The following GAL3ST2 variants were observed in gnomAD, a reference collection of about 807,000 sequenced individuals.
GAL3ST2 encodes beta-galactose-3-O-sulfotransferase 2.
In GAL3ST2, 16 loss-of-function variants were observed where a neutral mutation model predicts 12.9. The observed-to-expected ratio is 1.24, with a 90% CI of 0.84 to 1.88. The LOEUF is 1.88. Among genes scored for constraint, GAL3ST2 ranks in the 40% most tolerant of loss-of-function variants. GAL3ST2 has a pLI of 0.00. For missense variants in GAL3ST2, 639 were observed against 571.8 expected, an observed-to-expected ratio of 1.12 and a Z score of -1.20; for synonymous variants, 302 against 273.9, an observed-to-expected ratio of 1.10 and a Z score of -1.01.
chr2:241,776,840 C>A lies in GAL3ST2; in HGVS notation c.-116C>A. 1.2e-6 allele frequency: 1 copy of A among 860,386 alleles called. No individual in the cohort carries two copies. Among genetic ancestry groups the A allele is most frequent in the Non-Finnish European group, 1.6e-6 (1 of 620,760 alleles). 53.3% of individuals were successfully genotyped at this position (860,386 alleles called of 1,614,324 possible). A position where few individuals can be genotyped will look rare whatever the true frequency, so the allele number is the denominator to read the frequency against. On this transcript the variant is annotated 5_prime_UTR_variant, in exon 1 of 4. Coordinates refer to ENST00000192314, the MANE Select transcript of GAL3ST2 (RefSeq NM_022134.3). The stretch of plus-strand genomic sequence containing the variant: ...GGATTCCAGTTCACCTGCCCCACAG[C>A]CGCACCCTGCCTGTGCCTGCACCCT...
chr2:241,801,619 TG>T lies in GAL3ST2; in HGVS notation c.120-158del. 3.5e-6 allele frequency: 3 copies of T among 852,436 alleles called. No individual in the cohort carries two copies. The South Asian group carries it at 5.4e-5, about 15-fold the overall frequency. The allele number at this position is 852,436 out of a possible 1,614,324, so 52.8% of individuals were successfully genotyped here. A position where few individuals can be genotyped will look rare whatever the true frequency, so the allele number is the denominator to read the frequency against. ...GGAGGTTGTGGAGTGGGGCAAGGAT[TG>T]GGGCCATGGGTCGGTGCCTACCCAG... On this transcript the variant is annotated intron_variant, in intron 2 of 3. Transcript: ENST00000192314. The surrounding 1 kb of genome is among the most constrained non-coding windows in gnomAD (Gnocchi z 4.4).
chr2:241,799,213 A>G, intron 2 of GAL3ST2, 59 bp downstream of exon 2: 1 of 1,439,946 alleles, frequency 6.9e-7, no homozygotes, highest in Non-Finnish European at 9.8e-7. Flanking sequence ...CCCCGAGGAC[A>G]GAGCCTGGGA....
At chr2:241,786,699 C>T (rs960059774) in intron 1 of GAL3ST2, among the ~76,000 whole-genome samples, 7 of 152,042 alleles carry the variant, frequency 4.6e-5, no homozygotes, top group African/African-American at 1.7e-4. Flanking sequence ...GGGGGTGCTC[C>T]CAGACCTCAG....
At chr2:241,783,066 A>T (rs1268721266) in intron 1 of GAL3ST2, among the ~76,000 whole-genome samples, 4 of 151,740 alleles carry the variant, frequency 2.6e-5, no homozygotes, top group Non-Finnish European at 5.9e-5. Context: ...TGAACCCGGG[A>T]GGCAGAGGTT....
chr2:241,779,750 C>T (rs999395345), intron 1 of GAL3ST2, among the ~76,000 whole-genome samples: 10 of 151,532 alleles, frequency 6.6e-5, no homozygotes, highest in African/African-American at 2.4e-4. Flanking sequence ...CTTTGGGAGG[C>T]CGAGGCGGGC....
At position 241,804,211 on chromosome 2, in the gene GAL3ST2, C is replaced by T; in HGVS notation, c.*45C>T. The T allele has an allele frequency of 7.4e-7, 1 of 1,349,986 alleles. No homozygotes were observed. The highest frequency in any genetic ancestry group is 9.6e-7 in the Non-Finnish European group (1 of 1,040,408). The allele number at this position is 1,349,986 out of a possible 1,614,324, so 83.6% of individuals were successfully genotyped here. On this transcript the variant is annotated 3_prime_UTR_variant, in exon 4 of 4. Coordinates refer to ENST00000192314, the MANE Select transcript of GAL3ST2 (RefSeq NM_022134.3). ...AGGCCTCCTGCGGACACCAGCTCCT[C>T]TCTCCGCCGTCACCGGGGAGGCCGG...
In GAL3ST2 at chr2:241,802,449, C is replaced by T. The variant is rs77698735; in HGVS notation, c.375+413C>T. Among the ~76,000 whole-genome samples, 1,473 of 152,240 alleles carry T rather than the reference C, an allele frequency of 9.7e-3. 19 individuals are homozygous for T. Among genetic ancestry groups the T allele is most frequent in the African/African-American group, 0.034 (1,400 of 41,546 alleles). ...TCCCTGACCTTCCTTACAAAGGAAG[C>T]AGGGCAGGGAGTGTGGGTGGGAGGG... On this transcript the variant is annotated intron_variant, in intron 3 of 3. Transcript: ENST00000192314. The surrounding 1 kb of genome is among the most constrained non-coding windows in gnomAD (Gnocchi z 4.8).
intron 1 of GAL3ST2, among the ~76,000 whole-genome samples, chr2:241,796,786 T>TG (rs1226179869): frequency 6.6e-6 from 1 of 151,848 alleles, no homozygotes; most frequent in Non-Finnish European, 1.5e-5. Flanking sequence ...GTGGTTCCCG[T>TG]GGGGGGCTGG....
rs1373735129 is a variant in GAL3ST2, at chr2:241,802,289, C to T, written c.375+253C>T. ...AGCCCCTGCCCAAGGGCGTCCCCAGCGCTCCCCCGCTTCTCTGGCCTCCTA... is the reference window on the plus strand; with the variant it reads ...AGCCCCTGCCCAAGGGCGTCCCCAGTGCTCCCCCGCTTCTCTGGCCTCCTA... On this transcript the variant is annotated intron_variant, in intron 3 of 3. Transcript: ENST00000192314. This position sits in a 1 kb window ranked among gnomAD's most constrained non-coding sequence, Gnocchi z 4.8. 2.0e-5 allele frequency among the ~76,000 whole-genome samples: 3 copies of T among 152,196 alleles called. No individual in the cohort carries two copies. The highest frequency in any genetic ancestry group is 4.4e-5 in the Non-Finnish European group (3 of 68,036).
rs181502704 is a variant in GAL3ST2, at chr2:241,795,379, G to C, written c.30-3686G>C. Among the ~76,000 whole-genome samples the C allele has an allele frequency of 1.2e-4, 18 of 152,334 alleles. No homozygotes were observed. The highest frequency in any genetic ancestry group is 4.1e-4 in the African/African-American group (17 of 41,584). ...GATTCATGCTGCCGCAAGGCCAAGGGGGGTATTGTAAGTGTGAAAGCAGCA... is the reference window on the plus strand; with the variant it reads ...GATTCATGCTGCCGCAAGGCCAAGGCGGGTATTGTAAGTGTGAAAGCAGCA... On this transcript the variant is annotated intron_variant, in intron 1 of 3. Transcript: ENST00000192314. This position sits in a 1 kb window ranked among gnomAD's most constrained non-coding sequence, Gnocchi z 4.5.
chr2:241,803,655 A>G lies in GAL3ST2; in HGVS notation c.686A>G (p.His229Arg). ...TTCCGGCTGGTGCTCATCGCCGAGC[A>G]CCTGGACGAGTCCCTGGTGCTGCTG... Reference protein sequence around the residue: ...RRFRLVLIAEHLDESLVLLRR... With the variant: ...RRFRLVLIAERLDESLVLLRR... The change falls in exon 4 of 4, where the codon CAC (histidine) becomes CGC (arginine). Residue 229 changes from histidine to arginine, a missense_variant. Transcript: ENST00000192314. 2 of 1,549,756 alleles carry G rather than the reference A, an allele frequency of 1.3e-6. No homozygotes were observed. Among genetic ancestry groups the G allele is most frequent in the Non-Finnish European group, 1.7e-6 (2 of 1,146,370 alleles).
rs1699720017 is a variant in GAL3ST2 at position 241,793,179 on chromosome 2, G to A, written c.30-5886G>A. Among the ~76,000 whole-genome samples, 1 of 152,232 alleles carries A rather than the reference G, an allele frequency of 6.6e-6. No individual in the cohort carries two copies. The highest frequency in any genetic ancestry group is 2.4e-5 in the African/African-American group (1 of 41,476). On this transcript the variant is annotated intron_variant, in intron 1 of 3. Transcript: ENST00000192314. This position sits in a 1 kb window ranked among gnomAD's most constrained non-coding sequence, Gnocchi z 4.7. ...CGCGTCCTCACCCTTGGCAAAGTAAGCTTTCTAAATTAACTGAAACCTATG... is the reference window on the plus strand; with the variant it reads ...CGCGTCCTCACCCTTGGCAAAGTAAACTTTCTAAATTAACTGAAACCTATG...
chr2:241,798,372 G>A (rs762879811), intron 1 of GAL3ST2, among the ~76,000 whole-genome samples: 1 of 152,244 alleles, frequency 6.6e-6, no homozygotes, highest in Non-Finnish European at 1.5e-5. Context: ...GAAGGCATGC[G>A]ATCTCGAGCC....
chr2:241,789,703 G>A (rs1575363607), intron 1 of GAL3ST2, among the ~76,000 whole-genome samples: 1 of 152,140 alleles, frequency 6.6e-6, no homozygotes, highest in Non-Finnish European at 1.5e-5. Flanking sequence ...CCAATGTGGT[G>A]AAGCCCCGTC....
At chr2:241,792,752 A>G (rs948204933) in intron 1 of GAL3ST2, among the ~76,000 whole-genome samples, 3 of 152,122 alleles carry the variant, frequency 2.0e-5, no homozygotes, top group African/African-American at 7.2e-5. Context: ...AACGGGGGGA[A>G]ATGTGAAAGG....
rs1699729798 is a variant in GAL3ST2, at chr2:241,793,587, A to G, written c.30-5478A>G. Among the ~76,000 whole-genome samples the G allele has an allele frequency of 6.7e-6, 1 of 149,146 alleles. No individual in the cohort carries two copies. The highest frequency in any genetic ancestry group is 1.5e-5 in the Non-Finnish European group (1 of 67,814). On this transcript the variant is annotated intron_variant, in intron 1 of 3. Transcript: ENST00000192314. The surrounding 1 kb of genome is among the most constrained non-coding windows in gnomAD (Gnocchi z 4.7). ...TATATGTGTGCGTATATGTGTATGT[A>G]TGTATATGTGTATATGTGTGTGTAT...
chr2:241,797,950 G>T lies in GAL3ST2; in HGVS notation c.30-1115G>T, dbSNP rs145522101. ...TTGCCGAGTGCAGGTGTGGTGTCTG[G>T]TTCCCTCGTAGCCTGTGCCTGACCT... On this transcript the variant is annotated intron_variant, in intron 1 of 3. Coordinates refer to ENST00000192314, the MANE Select transcript of GAL3ST2 (RefSeq NM_022134.3). 1.9e-4 allele frequency among the ~76,000 whole-genome samples: 29 copies of T among 152,288 alleles called. No individual in the cohort carries two copies. The East Asian group carries it at 4.4e-3, about 23-fold the overall frequency.
chr2:241,801,357 T>TTCAAA lies in GAL3ST2; in HGVS notation c.120-424_120-423insTCAAA. 5.3e-6 allele frequency: 1 copy of TTCAAA among 190,206 alleles called. No individual in the cohort carries two copies. Among genetic ancestry groups the TTCAAA allele is most frequent in the Admixed American group, 5.8e-5 (1 of 17,258 alleles). The allele number at this position is 190,206 out of a possible 1,614,324, so 11.8% of individuals were successfully genotyped here. A position where few individuals can be genotyped will look rare whatever the true frequency, so the allele number is the denominator to read the frequency against. On this transcript the variant is annotated intron_variant, in intron 2 of 3. Coordinates refer to ENST00000192314, the MANE Select transcript of GAL3ST2 (RefSeq NM_022134.3). This position sits in a 1 kb window ranked among gnomAD's most constrained non-coding sequence, Gnocchi z 4.4. Reference sequence around the variant, plus strand: ...TGTGCCACATTTTCTTTACGGTCTCTATGTAACATTCACACCCGGCAGCTG... The same window carrying TTCAAA: ...TGTGCCACATTTTCTTTACGGTCTCTTCAAAATGTAACATTCACACCCGGCAGCTG...
rs1279618052 is a variant in GAL3ST2 at position 241,803,775 on chromosome 2, G to A, written c.806G>A (p.Arg269Gln). Residue 269 changes from arginine to glutamine, a missense_variant, in exon 4 of 4, where the codon CGG becomes CAG. Coordinates refer to ENST00000192314, the MANE Select transcript of GAL3ST2 (RefSeq NM_022134.3). The stretch of plus-strand genomic sequence containing the variant: ...GTGGCCCGCCTGTCGCCCGAGACCC[G>A]GGAGCGCGCGCGGAGCTGGTGCGCG... ...RSVARLSPET[R>Q]ERARSWCALD... 8.6e-6 allele frequency: 13 copies of A among 1,506,782 alleles called. No homozygotes were observed. The Admixed American group carries it at 2.7e-4, about 31-fold the overall frequency. 93.3% of individuals were successfully genotyped at this position (1,506,782 alleles called of 1,614,324 possible).
Sources: gnomAD v4.1 joint callset for allele counts (sites outside exome capture counted in the v4.1 genomes callset) on GRCh38, gnomAD v4.1.1 for gene constraint, Gnocchi (gnomAD v3.1) non-coding constraint, MANE v1.5 for transcripts, NCBI Gene and HGNC (gene_info 2026-07-23, HGNC 2026-07-21) for gene names.